CLDN10: variants seen among roughly 807,000 people sequenced by gnomAD.
CLDN10 encodes claudin-10.
A neutral mutation model predicts 22.9 loss-of-function variants in CLDN10; 15 were observed. The ratio of observed to expected loss-of-function variants is 0.65; its 90% confidence interval spans 0.44 to 1.01. The LOEUF is 1.01. Among genes scored for constraint, CLDN10 ranks in the 50% least tolerant of loss-of-function variants. The pLI is 0.00. For missense variants in CLDN10, 247 were observed against 287.8 expected (o/e 0.86, Z 1.03); for synonymous variants, 114 against 111.4 (o/e 1.02, Z -0.15).
chr13:95,498,893 C>T (rs1304612961), intron 1 of CLDN10, among the ~76,000 whole-genome samples: 2 of 152,150 alleles, frequency 1.3e-5, no homozygotes, highest in Non-Finnish European at 2.9e-5. Context: ...TCTGCCTCTG[C>T]CACTGCCGGG....
intron 1 of CLDN10, among the ~76,000 whole-genome samples, chr13:95,541,908 GC>G (rs745978994): frequency 5.3e-5 from 8 of 152,172 alleles, no homozygotes. Flanking sequence ...TTCTCACATA[GC>G]TATAAATATC....
intron 1 of CLDN10, among the ~76,000 whole-genome samples, chr13:95,480,369 G>C (rs1442620832): frequency 6.6e-6 from 1 of 152,198 alleles, no homozygotes; most frequent in Non-Finnish European, 1.5e-5. Context: ...CCCTGTATTA[G>C]AGGAGAATGC....
intron 1 of CLDN10, among the ~76,000 whole-genome samples, chr13:95,558,163 A>G (rs990595883): frequency 2.3e-4 from 35 of 152,170 alleles, no homozygotes; most frequent in African/African-American, 6.3e-4. Flanking sequence ...GCGAAACCAC[A>G]CTGTCCGAGT....
At chr13:95,510,350 G>A (rs1788343117) in intron 1 of CLDN10, among the ~76,000 whole-genome samples, 2 of 152,204 alleles carry the variant, frequency 1.3e-5, no homozygotes, top group Admixed American at 6.5e-5. Context: ...AGAAGCCTGT[G>A]CTTGTCCTGA....
intron 1 of CLDN10, among the ~76,000 whole-genome samples, chr13:95,448,719 G>GTTTTT (rs148560029): frequency 6.9e-6 from 1 of 144,214 alleles, no homozygotes; most frequent in African/African-American, 2.6e-5. Context: ...CTAAGCCATA[G>GTTTTT]TATTTTATTT....
intron 1 of CLDN10, among the ~76,000 whole-genome samples, chr13:95,435,742 T>C (rs2042263113): frequency 6.6e-6 from 1 of 152,202 alleles, no homozygotes; most frequent in South Asian, 2.1e-4. Flanking sequence ...TGGCCCTTTT[T>C]CACCTTAGGA....
intron 1 of CLDN10, among the ~76,000 whole-genome samples, chr13:95,465,661 T>A (rs1421793641): frequency 6.6e-6 from 1 of 152,230 alleles, no homozygotes; most frequent in African/African-American, 2.4e-5. Context: ...TACACTCCTC[T>A]TAGATCTTGG....
At chr13:95,524,868 T>TTTC (rs2043263897) in intron 1 of CLDN10, among the ~76,000 whole-genome samples, 1 of 150,498 alleles carries the variant, frequency 6.6e-6, no homozygotes, top group African/African-American at 2.4e-5. Context: ...TATTTTTATT[T>TTTC]TTTTTTTTGA....
intron 1 of CLDN10, among the ~76,000 whole-genome samples, chr13:95,490,936 C>T (rs1329504098): frequency 3.9e-5 from 6 of 152,140 alleles, no homozygotes; most frequent in African/African-American, 1.4e-4. Context: ...AATTTTGGAG[C>T]TCCAGTGTTA....
Position 95,437,425 on chromosome 13 carries a change from C to T in CLDN10, c.214+3378C>T, listed in dbSNP as rs575506393. 3.9e-5 allele frequency among the ~76,000 whole-genome samples: 6 copies of T among 152,248 alleles called. No homozygotes were observed. In the South Asian group the frequency reaches 8.3e-4, roughly 21 times the overall value. Reference sequence around the variant, plus strand: ...GTGTTTTGTTTTTCTGTCATATCTACGTTAATAGGAATGCTTTCACTATGA... The same window carrying T: ...GTGTTTTGTTTTTCTGTCATATCTATGTTAATAGGAATGCTTTCACTATGA... On this transcript the variant is annotated intron_variant, in intron 1 of 4. Coordinates refer to the CLDN10 transcript ENST00000376873.
Position 95,463,285 on chromosome 13 carries a change from A to AAATATATATATATATATAT in CLDN10, c.214+29239_214+29240insATATATATATATATATATA, listed in dbSNP as rs1491334890. ...AGTTGAGTCAAAAGTGCAAATGCTT[A>AAATATATATATATATATAT]ATATATATATATATATATATATATA... On this transcript the variant is annotated intron_variant, in intron 1 of 4. Coordinates refer to the CLDN10 transcript ENST00000376873. 7.7e-4 allele frequency among the ~76,000 whole-genome samples: 31 copies of AAATATATATATATATATAT among 40,092 alleles called. 2 individuals carry two copies. The highest frequency in any genetic ancestry group is 1.3e-3 in the Non-Finnish European group (25 of 19,250). 26.3% of individuals were successfully genotyped at this position (40,092 alleles called of 152,430 possible).
In CLDN10 at chr13:95,578,272, T is replaced by A; in HGVS notation, c.*258T>A. ...ATGTTTTCTACATTTATATAGAACATGAAAAGCATTTAGTACCAAAGGTTC... is the reference window on the plus strand; with the variant it reads ...ATGTTTTCTACATTTATATAGAACAAGAAAAGCATTTAGTACCAAAGGTTC... On this transcript the variant is annotated 3_prime_UTR_variant, in exon 5 of 5. Transcript: ENST00000299339. 7.3e-6 allele frequency: 2 copies of A among 273,542 alleles called. No individual in the cohort carries two copies. The highest frequency in any genetic ancestry group is 1.4e-5 in the Non-Finnish European group (2 of 144,948). The allele number at this position is 273,542 out of a possible 1,614,324, so 16.9% of individuals were successfully genotyped here.
intron 1 of CLDN10, among the ~76,000 whole-genome samples, chr13:95,542,290 A>G (rs1031420675): frequency 3.3e-5 from 5 of 152,214 alleles, no homozygotes; most frequent in Admixed American, 1.3e-4. Flanking sequence ...TGTGGTGCAG[A>G]CAGATCCAAA....
At chr13:95,510,637 T>A (rs933623038) in intron 1 of CLDN10, among the ~76,000 whole-genome samples, 2 of 152,146 alleles carry the variant, frequency 1.3e-5, no homozygotes, top group East Asian at 3.8e-4. Flanking sequence ...TTTGAATTGT[T>A]TTTATGGCTT....
At chr13:95,435,638 A>T (rs1189737936) in intron 1 of CLDN10, among the ~76,000 whole-genome samples, 1 of 152,144 alleles carries the variant, frequency 6.6e-6, no homozygotes, top group Non-Finnish European at 1.5e-5. Flanking sequence ...AATATAGAAC[A>T]CTGCCCTAGA....
intron 1 of CLDN10, among the ~76,000 whole-genome samples, chr13:95,484,982 G>A (rs2042790277): frequency 6.6e-6 from 1 of 152,092 alleles, no homozygotes; most frequent in African/African-American, 2.4e-5. Flanking sequence ...GGTGAGGGAG[G>A]GATTCCGCCC....
At chr13:95,559,538 G>C (rs546068905) in intron 1 of CLDN10, among the ~76,000 whole-genome samples, 2 of 152,194 alleles carry the variant, frequency 1.3e-5, no homozygotes, top group South Asian at 4.1e-4. Context: ...TATTCCCTTA[G>C]ACCCCCCATG....
upstream of CLDN10, among the ~76,000 whole-genome samples, chr13:95,551,609 G>A (rs1005072672): frequency 6.6e-6 from 1 of 152,164 alleles, no homozygotes; most frequent in Non-Finnish European, 1.5e-5. Flanking sequence ...GACACAGAGG[G>A]TTAGCACGAG....
At chr13:95,447,916 G>C (rs1290032506) in intron 1 of CLDN10, among the ~76,000 whole-genome samples, 5 of 152,104 alleles carry the variant, frequency 3.3e-5, no homozygotes, top group African/African-American at 1.2e-4. Context: ...CCCACCTGCA[G>C]CATCAAAGCT....
Sources: gnomAD v4.1 joint callset for allele counts (sites outside exome capture counted in the v4.1 genomes callset) on GRCh38, gnomAD v4.1.1 for gene constraint, MANE v1.5 for transcripts, NCBI Gene and HGNC (gene_info 2026-07-23, HGNC 2026-07-21) for gene names.